The following EDIL3 variants were observed in gnomAD, a reference collection of about 807,000 sequenced individuals.
The protein encoded by EDIL3 is EGF-like repeat and discoidin I-like domain-containing protein 3.
Under a neutral mutation model 67.4 loss-of-function variants are expected in EDIL3, and 37 were observed. That is an observed-to-expected ratio of 0.55 (90% confidence interval 0.42 to 0.72). The LOEUF is 0.72. Ranked by LOEUF, EDIL3 falls within the 30% of genes least tolerant of loss-of-function variation. The pLI is 0.00. For missense variants in EDIL3, 527 were observed against 586.3 expected (o/e 0.90, Z 1.04); for synonymous variants, 195 against 196.3 (o/e 0.99, Z 0.05).
intron 1 of EDIL3, among the ~76,000 whole-genome samples, chr5:84,277,868 T>C (rs1280569692): frequency 2.0e-5 from 3 of 152,112 alleles, no homozygotes; most frequent in Non-Finnish European, 4.4e-5. Context: ...CGCATGATAA[T>C]GTAATTATTG....
At chr5:84,073,033 G>T (rs917120539) in intron 6 of EDIL3, among the ~76,000 whole-genome samples, 21 of 152,162 alleles carry the variant, frequency 1.4e-4, no homozygotes, top group African/African-American at 5.1e-4. Flanking sequence ...TGCATGTCTA[G>T]ATTTGACAGG....
chr5:84,214,135 A>G (rs1744181229), intron 3 of EDIL3, among the ~76,000 whole-genome samples: 1 of 152,212 alleles, frequency 6.6e-6, no homozygotes, highest in South Asian at 2.1e-4. Context: ...GTTATTACTA[A>G]CAATGGCTAA....
Position 84,384,735 on chromosome 5 carries a change from G to A in EDIL3, c.-361C>T, listed in dbSNP as rs919409433. ...GCGCGGGCAGGCAGACCCACCGGCA[G>A]ACAGGCGGACCGGGCGCTCGGCTGT... On this transcript the variant is annotated 5_prime_UTR_variant, in exon 1 of 11. Transcript: ENST00000296591. 2.6e-5 allele frequency: 4 copies of A among 156,092 alleles called. No individual in the cohort carries two copies. Among genetic ancestry groups the A allele is most frequent in the African/African-American group, 7.2e-5 (3 of 41,572 alleles). 9.7% of individuals were successfully genotyped at this position (156,092 alleles called of 1,614,324 possible). A position where few individuals can be genotyped will look rare whatever the true frequency, so the allele number is the denominator to read the frequency against.
intron 3 of EDIL3, among the ~76,000 whole-genome samples, chr5:84,218,583 T>G (rs955871447): frequency 1.1e-4 from 17 of 151,642 alleles, no homozygotes; most frequent in African/African-American, 4.1e-4. Context: ...TCAGCCACAG[T>G]TGGGTAGAGC....
intron 6 of EDIL3, 43 bp from the exon 7 acceptor site, chr5:84,066,649 G>T (rs1237281002): frequency 3.2e-6 from 5 of 1,580,608 alleles, no homozygotes; most frequent in Non-Finnish European, 4.3e-6. Flanking sequence ...ATTGTTTTCA[G>T]GATAACAATA....
chr5:84,174,019 A>G (rs1429574701), intron 4 of EDIL3, among the ~76,000 whole-genome samples: 3 of 152,082 alleles, frequency 2.0e-5, no homozygotes, highest in Admixed American at 6.5e-5. Context: ...CACTGCTGGG[A>G]TGAAAGACAA....
At chr5:83,951,248 A>T (rs931828261) in intron 10 of EDIL3, among the ~76,000 whole-genome samples, 1 of 151,762 alleles carries the variant, frequency 6.6e-6, no homozygotes, top group African/African-American at 2.4e-5. Context: ...AATTATTTCC[A>T]TTCCCATTGT....
intron 1 of EDIL3, among the ~76,000 whole-genome samples, chr5:84,304,822 G>C (rs1415838103): frequency 6.6e-6 from 1 of 152,098 alleles, no homozygotes; most frequent in Non-Finnish European, 1.5e-5. Context: ...TTGAGCAAGA[G>C]GAAAACTTTC....
At chr5:84,189,062 C>A (rs1350010373) in intron 3 of EDIL3, among the ~76,000 whole-genome samples, 1 of 151,910 alleles carries the variant, frequency 6.6e-6, no homozygotes, top group African/African-American at 2.4e-5. Context: ...TTAAGTAAAC[C>A]AGAGTTTTAT....
At chr5:84,196,199 AT>A in intron 3 of EDIL3, among the ~76,000 whole-genome samples, 2 of 152,104 alleles carry the variant, frequency 1.3e-5, no homozygotes, top group East Asian at 3.9e-4. Flanking sequence ...TGCAAAAAAA[AT>A]ATAAATGATT....
At chr5:84,029,814 T>C (rs1745885534) in intron 9 of EDIL3, among the ~76,000 whole-genome samples, 1 of 152,152 alleles carries the variant, frequency 6.6e-6, no homozygotes, top group Non-Finnish European at 1.5e-5. Flanking sequence ...GAGCATTGTA[T>C]ACAATTCTGG....
At chr5:83,966,482 A>G (rs1157045186) in intron 9 of EDIL3, among the ~76,000 whole-genome samples, 1 of 152,002 alleles carries the variant, frequency 6.6e-6, no homozygotes, top group Non-Finnish European at 1.5e-5. Context: ...CACAGTGTCA[A>G]TGTGGTATCC....
chr5:84,219,657 C>T (rs1048518086), intron 3 of EDIL3, among the ~76,000 whole-genome samples: 2 of 152,160 alleles, frequency 1.3e-5, no homozygotes, highest in Admixed American at 6.5e-5. Flanking sequence ...GAGACAGCTG[C>T]ACTCCCATGT....
At chr5:84,117,029 T>TATTTA (rs1747679398) in intron 5 of EDIL3, among the ~76,000 whole-genome samples, 1 of 123,458 alleles carries the variant, frequency 8.1e-6, no homozygotes, top group African/African-American at 3.7e-5. Flanking sequence ...TATTTTTTTT[T>TATTTA]TTTTTTTTTT....
chr5:83,962,539 A>C (rs1309306407), intron 10 of EDIL3, among the ~76,000 whole-genome samples: 1 of 151,588 alleles, frequency 6.6e-6, no homozygotes, highest in Non-Finnish European at 1.5e-5. Flanking sequence ...AAAAGATAAA[A>C]ATTGTATGGC....
At chr5:84,298,682 C>G (rs1345143806) in intron 1 of EDIL3, among the ~76,000 whole-genome samples, 2 of 152,140 alleles carry the variant, frequency 1.3e-5, no homozygotes, top group African/African-American at 2.4e-5. Context: ...AATGTGGCAA[C>G]TGGCTAGATT....
chr5:84,129,638 G>T (rs1747925689), intron 5 of EDIL3, among the ~76,000 whole-genome samples: 1 of 151,936 alleles, frequency 6.6e-6, no homozygotes, highest in African/African-American at 2.4e-5. Context: ...AAAGTACCCT[G>T]TTCAAATTTC....
chr5:83,962,480 C>T (rs1003399703), intron 10 of EDIL3, among the ~76,000 whole-genome samples: 4 of 151,294 alleles, frequency 2.6e-5, no homozygotes, highest in South Asian at 2.1e-4. Context: ...CTCACAGATA[C>T]TGAAACCAAT....
intron 2 of EDIL3, among the ~76,000 whole-genome samples, chr5:84,242,064 C>A (rs865937715): frequency 3.5e-3 from 431 of 122,076 alleles, no homozygotes; most frequent in Middle Eastern, 4.2e-3. Flanking sequence ...ACTAAAAGTA[C>A]AAAAAAAAAA....
Sources: gnomAD v4.1 joint callset for allele counts (sites outside exome capture counted in the v4.1 genomes callset) on GRCh38, gnomAD v4.1.1 for gene constraint, MANE v1.5 for transcripts, NCBI Gene and HGNC (gene_info 2026-07-23, HGNC 2026-07-21) for gene names.